Variants in CCDC171 observed in about 807,000 individuals in gnomAD.
CCDC171 encodes coiled-coil domain containing 171.
CCDC171 carries 177 observed loss-of-function variants against 168.2 expected under a neutral mutation model. The observed-to-expected ratio is 1.05, with a 90% confidence interval of 0.93 to 1.19. The LOEUF (loss-of-function observed/expected upper bound fraction) is 1.19, where lower values mean the gene tolerates loss of function less well. Among genes scored for constraint, CCDC171 ranks in the 50% most tolerant of loss-of-function variants. CCDC171 has a pLI of 0.00. For synonymous variants in CCDC171, 687 were observed against 540.8 expected, an observed-to-expected ratio of 1.27 and a Z score of -3.75; for missense variants, 1,991 against 1,539.0, an observed-to-expected ratio of 1.29 and a Z score of -4.91.
At chr9:16,018,424 A>AT (rs112667176) in intron 3 of CCDC171, among the ~76,000 whole-genome samples, 2,767 of 152,232 alleles carry the variant, frequency 0.018, 82 homozygotes, top group African/African-American at 0.062. Flanking sequence ...AAAAAGAAAT[A>AT]TTTTTTTGTT....
At chr9:15,556,268 C>T (rs1347523103) in intron 1 of CCDC171, among the ~76,000 whole-genome samples, 2 of 152,160 alleles carry the variant, frequency 1.3e-5, no homozygotes, top group African/African-American at 2.4e-5. Context: ...GATGGGATGG[C>T]TGGGTCAAAT....
At chr9:15,924,952 T>C (rs1825736506) in intron 25 of CCDC171, among the ~76,000 whole-genome samples, 1 of 151,602 alleles carries the variant, frequency 6.6e-6, no homozygotes, top group African/African-American at 2.4e-5. Flanking sequence ...CTCCCAGGCC[T>C]CTGCTTACTT....
chr9:15,716,348 T>G (rs1304890148), intron 11 of CCDC171, among the ~76,000 whole-genome samples: 1 of 152,186 alleles, frequency 6.6e-6, no homozygotes, highest in Non-Finnish European at 1.5e-5. Flanking sequence ...AAACCTTTCT[T>G]TGATAGGATA....
intron 3 of CCDC171, among the ~76,000 whole-genome samples, chr9:16,013,057 C>T (rs779528943): frequency 1.3e-5 from 2 of 152,184 alleles, no homozygotes; most frequent in Non-Finnish European, 2.9e-5. Flanking sequence ...GATCTGTCAG[C>T]CTTTCCCACT....
chr9:15,822,684 A>T lies in CCDC171; in HGVS notation c.3268-24018A>T, dbSNP rs7467512. On this transcript the variant is annotated intron_variant, in intron 21 of 25. Coordinates refer to ENST00000380701, the MANE Select transcript of CCDC171 (RefSeq NM_173550.4). Reference sequence around the variant, plus strand: ...GGCGATCATTAAAAAGTCAGGAAACAGCAGGTGCTGGAGAGGATGTGGAGA... The same window carrying T: ...GGCGATCATTAAAAAGTCAGGAAACTGCAGGTGCTGGAGAGGATGTGGAGA... 1.3e-3 allele frequency among the ~76,000 whole-genome samples: 194 copies of T among 152,326 alleles called. 1 individual carries two copies. Among genetic ancestry groups the T allele is most frequent in the Middle Eastern group, 3.4e-3 (1 of 294 alleles).
At chr9:15,952,031 A>G (rs1425500480) in intron 25 of CCDC171, among the ~76,000 whole-genome samples, 1 of 152,088 alleles carries the variant, frequency 6.6e-6, no homozygotes, top group Non-Finnish European at 1.5e-5. Context: ...ATTTTGATTT[A>G]ATTTGTGTAC....
rs1040278688 is a variant in CCDC171, at chr9:15,972,776, T to C, written c.*940T>C. 6.6e-6 allele frequency: 1 copy of C among 152,192 alleles called. No homozygotes were observed. Among genetic ancestry groups the C allele is most frequent in the Non-Finnish European group, 1.5e-5 (1 of 68,020 alleles). The allele number at this position is 152,192 out of a possible 1,614,324, so 9.4% of individuals were successfully genotyped here. On this transcript the variant is annotated 3_prime_UTR_variant, in exon 26 of 26. Coordinates refer to ENST00000380701, the MANE Select transcript of CCDC171 (RefSeq NM_173550.4). ...AACAAGGCCATTGCCCTGCATTTTCTGCCTTGTAGCACACAAAAGTAAAAT... is the reference window on the plus strand; with the variant it reads ...AACAAGGCCATTGCCCTGCATTTTCCGCCTTGTAGCACACAAAAGTAAAAT...
chr9:15,729,857 CT>C (rs57410956), intron 16 of CCDC171, 59 bp downstream of exon 16: 20,728 of 1,153,218 alleles, frequency 0.018, 286 homozygotes, highest in African/African-American at 0.11. Flanking sequence ...CCATTAGAAA[CT>C]TTTTTTTTTT....
intron 6 of CCDC171, among the ~76,000 whole-genome samples, chr9:15,597,473 C>A (rs1322145057): frequency 3.3e-5 from 5 of 152,104 alleles, no homozygotes; most frequent in African/African-American, 1.2e-4. Context: ...GTTGAACCAG[C>A]CTTGCATTCC....
intron 18 of CCDC171, among the ~76,000 whole-genome samples, chr9:15,763,898 A>G (rs997330250): frequency 2.0e-5 from 3 of 152,008 alleles, no homozygotes; most frequent in African/African-American, 7.3e-5. Flanking sequence ...CTTTTGTTGG[A>G]TGTATGTTTT....
chr9:15,861,826 C>T (rs2061572470), intron 23 of CCDC171, among the ~76,000 whole-genome samples: 1 of 151,820 alleles, frequency 6.6e-6, no homozygotes, highest in Non-Finnish European at 1.5e-5. Context: ...TGTATATTTA[C>T]CTTTGTGTTC....
In CCDC171 at chr9:15,920,528, G is replaced by A. The variant is rs576151431; in HGVS notation, c.3753+106G>A. ...ATCATTTGCCAATATATATAATTTA[G>A]GGTAAATGATCAATCAAGTGACATA... On this transcript the variant is annotated intron_variant, in intron 25 of 25. Coordinates refer to ENST00000380701, the MANE Select transcript of CCDC171 (RefSeq NM_173550.4). 1.6e-4 allele frequency: 122 copies of A among 770,712 alleles called. 1 individual carries two copies. In the East Asian group the frequency reaches 3.3e-3, roughly 21 times the overall value. 47.7% of individuals were successfully genotyped at this position (770,712 alleles called of 1,614,324 possible).
At chr9:15,731,460 G>C (rs2054146322) in intron 16 of CCDC171, among the ~76,000 whole-genome samples, 1 of 152,088 alleles carries the variant, frequency 6.6e-6, no homozygotes, top group African/African-American at 2.4e-5. Context: ...TCATTCAATA[G>C]TCTGGTGATT....
chr9:15,600,780 C>T (rs997400942), intron 6 of CCDC171, among the ~76,000 whole-genome samples: 10 of 152,186 alleles, frequency 6.6e-5, no homozygotes, highest in Admixed American at 5.2e-4. Context: ...GCGGTGGGCT[C>T]CACCCATTTC....
intron 3 of CCDC171, among the ~76,000 whole-genome samples, chr9:15,979,780 G>T (rs1831736529): frequency 6.6e-6 from 1 of 151,422 alleles, no homozygotes; most frequent in Non-Finnish European, 1.5e-5. Flanking sequence ...TCTAGTATTA[G>T]GCTAATACTG....
intron 1 of CCDC171, among the ~76,000 whole-genome samples, chr9:16,060,489 C>T (rs1203102131): frequency 6.6e-6 from 1 of 152,234 alleles, no homozygotes; most frequent in African/African-American, 2.4e-5. Context: ...TGCTGCCAAG[C>T]AGGGGTGGTG....
intron 21 of CCDC171, among the ~76,000 whole-genome samples, chr9:15,799,580 G>A (rs2058722500): frequency 6.6e-6 from 1 of 151,816 alleles, no homozygotes; most frequent in South Asian, 2.1e-4. Context: ...TGGTAAATGG[G>A]GTATCCCCTG....
At chr9:16,069,940 G>T in the CCDC171 span, among the ~76,000 whole-genome samples, 1 of 152,236 alleles carries the variant, frequency 6.6e-6, no homozygotes, top group Admixed American at 6.5e-5. Flanking sequence ...CCCTCCCATA[G>T]CAGGGGCAGG....
intron 1 of CCDC171, among the ~76,000 whole-genome samples, chr9:16,055,792 C>T (rs1398380975): frequency 2.0e-5 from 3 of 152,240 alleles, no homozygotes; most frequent in Admixed American, 6.5e-5. Context: ...ATGGTTCAAG[C>T]GGATTATTCC....
Sources: gnomAD v4.1 joint callset for allele counts (sites outside exome capture counted in the v4.1 genomes callset) on GRCh38, gnomAD v4.1.1 for gene constraint, MANE v1.5 for transcripts, NCBI Gene and HGNC (gene_info 2026-07-23, HGNC 2026-07-21) for gene names.